Variants in PRKD1 observed in about 807,000 individuals in gnomAD.
The protein encoded by PRKD1 is protein kinase D1.
In PRKD1, 63 loss-of-function variants were observed where a neutral mutation model predicts 95.9. That is an observed-to-expected ratio of 0.66 (90% CI 0.54 to 0.81). PRKD1 has a LOEUF of 0.81. PRKD1 is among the 30% of genes least tolerant of loss of function. The pLI is 0.00. For missense variants in PRKD1, 1,048 were observed against 1,165.3 expected (o/e 0.90, Z 1.47); for synonymous variants, 425 against 423.1 (o/e 1.00, Z -0.05).
intron 2 of PRKD1, among the ~76,000 whole-genome samples, chr14:29,675,428 C>A (rs1321426292): frequency 1.3e-5 from 2 of 152,162 alleles, no homozygotes; most frequent in Non-Finnish European, 2.9e-5. Flanking sequence ...CTTCTGACAA[C>A]CACTAATTTA....
At chr14:29,716,600 G>A (rs574528009) in intron 2 of PRKD1, among the ~76,000 whole-genome samples, 62 of 152,288 alleles carry the variant, frequency 4.1e-4, no homozygotes, top group Middle Eastern at 3.4e-3. Context: ...ACGAAGATAT[G>A]AAACACAGAG....
chr14:29,693,921 C>T lies in PRKD1; in HGVS notation c.404-27713G>A, dbSNP rs549373998. Among the ~76,000 whole-genome samples, 21 of 152,218 alleles carry T rather than the reference C, an allele frequency of 1.4e-4. 1 individual carries two copies. Among genetic ancestry groups the T allele is most frequent in the Admixed American group, 1.1e-3 (17 of 15,292 alleles). ...TTTTTCCATAGGCAGAGCCAAAATC[C>T]GCCTCCTACTGGTCTTACCTGTTCT... On this transcript the variant is annotated intron_variant, in intron 2 of 17. Coordinates refer to ENST00000331968, the MANE Select transcript of PRKD1 (RefSeq NM_002742.3).
intron 1 of PRKD1, among the ~76,000 whole-genome samples, chr14:29,848,098 C>T (rs1305670977): frequency 1.3e-5 from 2 of 152,128 alleles, no homozygotes; most frequent in Non-Finnish European, 2.9e-5. Context: ...ACAGTAACAA[C>T]TACTCATTTC....
chr14:29,880,904 T>C (rs930067374), intron 1 of PRKD1, among the ~76,000 whole-genome samples: 2 of 152,222 alleles, frequency 1.3e-5, no homozygotes, highest in East Asian at 3.9e-4. Flanking sequence ...TGGCTGTATT[T>C]ACCCAATACC....
chr14:29,636,339 C>T lies in PRKD1; in HGVS notation c.1141G>A (p.Glu381Lys), dbSNP rs755000108. The T allele has an allele frequency of 1.2e-5, 19 of 1,614,084 alleles. No individual in the cohort carries two copies. Among genetic ancestry groups the T allele is most frequent in the South Asian group, 5.5e-5 (5 of 91,096 alleles). The change falls in exon 7 of 18, where the codon GAG becomes AAG. Residue 381 changes from glutamate (E) to lysine (K), a missense_variant. By Grantham distance (56) the Glu-to-Lys change is moderately conservative (BLOSUM62 1). Around this residue, in one of 3 missense-constraint regions of PRKD1, gnomAD observed 739 missense variants for 861.9 expected, o/e 0.86. Transcript: ENST00000331968. The stretch of plus-strand genomic sequence containing the variant: ...TGGTCTGGGTCTGGATCTTGCATCT[C>T]GCCACTGTCGTTCTGGCACTCTGCC... ...AMAECQNDSG[E>K]MQDPDPDHED...
intron 13 of PRKD1, among the ~76,000 whole-genome samples, chr14:29,619,079 G>A (rs1244263473): frequency 6.6e-6 from 1 of 152,120 alleles, no homozygotes; most frequent in African/African-American, 2.4e-5. Flanking sequence ...TCTGGATATT[G>A]CTTTTATATG....
chr14:29,799,147 T>A (rs1486236693), intron 1 of PRKD1, among the ~76,000 whole-genome samples: 1 of 152,366 alleles, frequency 6.6e-6, no homozygotes, highest in Admixed American at 6.5e-5. Context: ...TAAAATAGTA[T>A]GCAAGAATCA....
intron 1 of PRKD1, among the ~76,000 whole-genome samples, chr14:29,876,619 C>A (rs1192232934): frequency 1.3e-5 from 2 of 151,328 alleles, no homozygotes; most frequent in Non-Finnish European, 2.9e-5. Flanking sequence ...TGAGACAATG[C>A]CTAAAATGGG....
At chr14:29,728,756 A>T (rs1229844373) in intron 1 of PRKD1, among the ~76,000 whole-genome samples, 1 of 152,190 alleles carries the variant, frequency 6.6e-6, no homozygotes, top group Non-Finnish European at 1.5e-5. Context: ...CAAGTGTTTC[A>T]GTGGGTACAT....
At chr14:29,791,786 A>G (rs570203753) in intron 1 of PRKD1, among the ~76,000 whole-genome samples, 3 of 152,294 alleles carry the variant, frequency 2.0e-5, no homozygotes, top group East Asian at 3.9e-4. Flanking sequence ...ACATTTGTAT[A>G]TAATTCATAG....
chr14:29,636,085 G>A (rs2273810), intron 7 of PRKD1, among the ~76,000 whole-genome samples: 46,518 of 151,748 alleles, frequency 0.31, 7,290 homozygotes, highest in African/African-American at 0.35. Context: ...AGGTGATGCT[G>A]GGAAAGAATG....
At chr14:29,601,152 T>G (rs1893502117) in intron 13 of PRKD1, among the ~76,000 whole-genome samples, 1 of 152,166 alleles carries the variant, frequency 6.6e-6, no homozygotes, top group African/African-American at 2.4e-5. Context: ...ACCTCACAGA[T>G]GGATGCTGGG....
chr14:29,847,246 T>C (rs1892113979), intron 1 of PRKD1, among the ~76,000 whole-genome samples: 1 of 152,162 alleles, frequency 6.6e-6, no homozygotes, highest in Non-Finnish European at 1.5e-5. Flanking sequence ...GTAATTACAA[T>C]GAGTTGTGGT....
At position 29,583,070 on chromosome 14, in the gene PRKD1, T is replaced by C. The variant is rs553484885; in HGVS notation, c.2435-4710A>G. Reference sequence around the variant, plus strand: ...GTAGAGGAATGCCGAAACTCCAGTTTACCTGCAGCTCCACAAGGAGCTGGG... The same window carrying C: ...GTAGAGGAATGCCGAAACTCCAGTTCACCTGCAGCTCCACAAGGAGCTGGG... On this transcript the variant is annotated intron_variant, in intron 16 of 17. Coordinates refer to ENST00000331968, the MANE Select transcript of PRKD1 (RefSeq NM_002742.3). Among the ~76,000 whole-genome samples, 10 of 152,226 alleles carry C rather than the reference T, an allele frequency of 6.6e-5. No individual in the cohort carries two copies. In the South Asian group the frequency reaches 1.9e-3, roughly 28 times the overall value.
intron 1 of PRKD1, among the ~76,000 whole-genome samples, chr14:29,876,509 T>C (rs1453087808): frequency 2.6e-5 from 4 of 152,146 alleles, no homozygotes; most frequent in Non-Finnish European, 4.4e-5. Flanking sequence ...GAAATTTACT[T>C]TTAATTTAAA....
At chr14:29,762,216 A>T (rs1362931231) in intron 1 of PRKD1, among the ~76,000 whole-genome samples, 1 of 152,228 alleles carries the variant, frequency 6.6e-6, no homozygotes, top group Non-Finnish European at 1.5e-5. Context: ...CTATGTGTGT[A>T]ATGAAATCAA....
At chr14:29,664,883 A>G (rs1057303421) in intron 3 of PRKD1, among the ~76,000 whole-genome samples, 1 of 152,230 alleles carries the variant, frequency 6.6e-6, no homozygotes, top group Non-Finnish European at 1.5e-5. Flanking sequence ...GAGTGAACTT[A>G]GACGGTTTAA....
At chr14:29,853,561 G>A (rs1483501514) in intron 1 of PRKD1, among the ~76,000 whole-genome samples, 1 of 152,216 alleles carries the variant, frequency 6.6e-6, no homozygotes, top group Non-Finnish European at 1.5e-5. Flanking sequence ...AATCATGCAT[G>A]AACCATCTGC....
intron 1 of PRKD1, among the ~76,000 whole-genome samples, chr14:29,853,126 A>AC (rs1892370837): frequency 2.0e-5 from 3 of 152,216 alleles, no homozygotes. Flanking sequence ...ATCAGAAAAG[A>AC]TTACAAGAGA....
Sources: gnomAD v4.1 joint callset for allele counts (sites outside exome capture counted in the v4.1 genomes callset) on GRCh38, gnomAD v4.1.1 for gene constraint, gnomAD v4.1.1 regional missense constraint, MANE v1.5 for transcripts, NCBI Gene and HGNC (gene_info 2026-07-23, HGNC 2026-07-21) for gene names.